The following ZDHHC2 variants were observed in gnomAD, a reference collection of about 807,000 sequenced individuals.
ZDHHC2 encodes palmitoyltransferase ZDHHC2.
A neutral mutation model predicts 55.6 loss-of-function variants in ZDHHC2; 51 were observed. The observed-to-expected ratio is 0.92, with a 90% confidence interval of 0.73 to 1.16. ZDHHC2 has a LOEUF of 1.16. ZDHHC2 is among the 50% of genes most tolerant of loss of function. The probability of loss-of-function intolerance (pLI) is 0.00; values close to 1 mark genes in which losing one functional copy is unlikely to be tolerated. For missense variants in ZDHHC2, 491 were observed against 442.4 expected (o/e 1.11, Z -0.99); for synonymous variants, 199 against 152.9 (o/e 1.30, Z -2.22).
chr8:17,167,750 GAGTA>G (rs749969243), intron 1 of ZDHHC2, among the ~76,000 whole-genome samples: 3 of 152,066 alleles, frequency 2.0e-5, no homozygotes, highest in Non-Finnish European at 4.4e-5. Context: ...ATGTGTAATA[GAGTA>G]AGTAATATCC....
At chr8:17,211,596 C>T (rs1807387788) in intron 10 of ZDHHC2, among the ~76,000 whole-genome samples, 1 of 152,070 alleles carries the variant, frequency 6.6e-6, no homozygotes, top group African/African-American at 2.4e-5. Context: ...ATCAAGCGAT[C>T]CTCCTGCCTC....
intron 1 of ZDHHC2, among the ~76,000 whole-genome samples, chr8:17,177,323 A>T (rs11779538): frequency 6.6e-6 from 1 of 152,138 alleles, no homozygotes; most frequent in Non-Finnish European, 1.5e-5. Flanking sequence ...GTGATTTTGG[A>T]TGATTGTTAA....
chr8:17,191,286 G>A (rs1806014103), intron 3 of ZDHHC2, among the ~76,000 whole-genome samples: 1 of 152,030 alleles, frequency 6.6e-6, no homozygotes, highest in African/African-American at 2.4e-5. Context: ...TAATAGAGAT[G>A]GGGTTTCGCC....
intron 1 of ZDHHC2, among the ~76,000 whole-genome samples, chr8:17,180,421 C>G (rs895755392): frequency 6.6e-6 from 1 of 152,250 alleles, no homozygotes; most frequent in Non-Finnish European, 1.5e-5. Flanking sequence ...TATTTTCACT[C>G]GCCAAGTCTA....
Position 17,210,376 on chromosome 8 carries a change from T to C in ZDHHC2, c.858-12T>C. On this transcript the variant is annotated splice_polypyrimidine_tract_variant and intron_variant, in intron 9 of 12. Transcript: ENST00000262096. ...TGTATGGTTCAGTTCTAAATTTTTA[T>C]TTTAATTCTAGTCTAGGTGATGGCT... is the stretch of plus-strand genomic sequence containing the variant. 6.2e-7 allele frequency: 1 copy of C among 1,606,790 alleles called. No individual in the cohort carries two copies. The highest frequency in any genetic ancestry group is 8.5e-7 in the Non-Finnish European group (1 of 1,177,844).
intron 1 of ZDHHC2, among the ~76,000 whole-genome samples, chr8:17,170,150 T>C (rs1342999175): frequency 1.3e-5 from 2 of 152,198 alleles, no homozygotes; most frequent in Non-Finnish European, 2.9e-5. Context: ...CATTGTATAA[T>C]TCCAGCTGGG....
chr8:17,157,247 G>C (rs1804108157), intron 1 of ZDHHC2, among the ~76,000 whole-genome samples: 1 of 152,192 alleles, frequency 6.6e-6, no homozygotes, highest in Non-Finnish European at 1.5e-5. Flanking sequence ...CCCGAGCTGC[G>C]CCAGACCCGC....
In ZDHHC2 at chr8:17,210,498, T is replaced by C. The variant is rs759570022; in HGVS notation, c.950+18T>C. ...GCTAAAAAGTAATCTCATATTTTTT[T>C]TCATTTTACTTTCAAATAAGATATT... On this transcript the variant is annotated intron_variant, in intron 10 of 12. Coordinates refer to ENST00000262096, the MANE Select transcript of ZDHHC2 (RefSeq NM_016353.5). 18 of 1,580,204 alleles carry C rather than the reference T, an allele frequency of 1.1e-5. No homozygotes were observed. The highest frequency in any genetic ancestry group is 1.5e-5 in the Non-Finnish European group (17 of 1,160,960).
intron 6 of ZDHHC2, among the ~76,000 whole-genome samples, chr8:17,200,487 T>C (rs2904672): frequency 0.72 from 109,225 of 152,138 alleles, 40,704 homozygotes; most frequent in Non-Finnish European, 0.84. Flanking sequence ...GTAGTCATCA[T>C]AGGCATAGTG....
At chr8:17,196,439 C>G (rs1806314218) in intron 4 of ZDHHC2, among the ~76,000 whole-genome samples, 1 of 151,990 alleles carries the variant, frequency 6.6e-6, no homozygotes, top group Non-Finnish European at 1.5e-5. Flanking sequence ...CCTATAATCC[C>G]AGCAACTCGG....
chr8:17,166,833 C>T (rs1157899503), intron 1 of ZDHHC2, among the ~76,000 whole-genome samples: 1 of 152,108 alleles, frequency 6.6e-6, no homozygotes, highest in Non-Finnish European at 1.5e-5. Flanking sequence ...TAACAATGTG[C>T]ACATTGAACC....
At chr8:17,201,481 CTTTTTT>C (rs1171396792) in intron 6 of ZDHHC2, among the ~76,000 whole-genome samples, 8 of 24,308 alleles carry the variant, frequency 3.3e-4, no homozygotes, top group East Asian at 2.4e-3. Context: ...CTCTCTCTCT[CTTTTTT>C]TTTTTTTTTT....
chr8:17,205,845 A>G (rs190203871), intron 7 of ZDHHC2, 70 bp downstream of exon 7: 1 of 1,427,282 alleles, frequency 7.0e-7, no homozygotes, highest in Non-Finnish European at 9.4e-7. Flanking sequence ...TCAGAACAGA[A>G]TTATTTCCGA....
chr8:17,195,776 A>G (rs141950918), intron 4 of ZDHHC2, among the ~76,000 whole-genome samples, 152 bp downstream of exon 4: 5 of 152,318 alleles, frequency 3.3e-5, no homozygotes, highest in South Asian at 2.1e-4. Context: ...TTCCTGTGTG[A>G]TTCCATAAAA....
At chr8:17,174,054 C>T (rs910297809) in intron 1 of ZDHHC2, among the ~76,000 whole-genome samples, 12 of 151,320 alleles carry the variant, frequency 7.9e-5, no homozygotes, top group Admixed American at 1.3e-4. Flanking sequence ...CCAACCCTGC[C>T]GGCACCTCAA....
intron 6 of ZDHHC2, among the ~76,000 whole-genome samples, chr8:17,201,481 C>CTTTTTTTTTTTTTTTTTTTTTTTT (rs1171396792): frequency 8.2e-5 from 2 of 24,332 alleles, no homozygotes; most frequent in African/African-American, 2.2e-4. Flanking sequence ...CTCTCTCTCT[C>CTTTTTTTTTTTTTTTTTTTTTTTT]TTTTTTTTTT....
chr8:17,168,270 G>A (rs745479384), intron 1 of ZDHHC2, among the ~76,000 whole-genome samples: 5 of 152,128 alleles, frequency 3.3e-5, no homozygotes, highest in Admixed American at 2.6e-4. Flanking sequence ...CTTAGCATGC[G>A]GAAATGCCTA....
At chr8:17,159,757 A>G (rs538758267) in intron 1 of ZDHHC2, among the ~76,000 whole-genome samples, 1 of 152,340 alleles carries the variant, frequency 6.6e-6, no homozygotes, top group South Asian at 2.1e-4. Flanking sequence ...CAAAGAAAAG[A>G]TCACAAAAGA....
At chr8:17,203,953 G>A (rs932789001) in intron 6 of ZDHHC2, among the ~76,000 whole-genome samples, 9 of 151,978 alleles carry the variant, frequency 5.9e-5, no homozygotes, top group Non-Finnish European at 1.0e-4. Flanking sequence ...GACTACAGGC[G>A]TGTACTACCA....
Sources: gnomAD v4.1 joint callset for allele counts (sites outside exome capture counted in the v4.1 genomes callset) on GRCh38, gnomAD v4.1.1 for gene constraint, MANE v1.5 for transcripts, NCBI Gene and HGNC (gene_info 2026-07-23, HGNC 2026-07-21) for gene names.